DTNA: variants seen among roughly 807,000 people sequenced by gnomAD.
DTNA encodes the protein dystrobrevin alpha, also known as dystrophin-related protein 3.
In DTNA, 43 loss-of-function variants were observed where a neutral mutation model predicts 100.7. The ratio of observed to expected loss-of-function variants is 0.43; its 90% CI spans 0.33 to 0.55. The LOEUF is 0.55. DTNA is among the 20% of genes least tolerant of loss of function. DTNA has a pLI of 0.04. For synonymous variants in DTNA, 349 were observed against 347.9 expected, an observed-to-expected ratio of 1.00 and a Z score of -0.04; for missense variants, 798 against 953.9, an observed-to-expected ratio of 0.84 and a Z score of 2.15.
At chr18:34,687,352 A>G (rs984244114) in intron 1 of DTNA, among the ~76,000 whole-genome samples, 2 of 151,990 alleles carry the variant, frequency 1.3e-5, no homozygotes, top group Non-Finnish European at 2.9e-5. Context: ...CTTTCTTCTC[A>G]TTGGTTTCAA....
chr18:34,596,850 A>G (rs1415988611), intron 1 of DTNA, among the ~76,000 whole-genome samples: 1 of 152,054 alleles, frequency 6.6e-6, no homozygotes, highest in Non-Finnish European at 1.5e-5. Context: ...AACACCACCT[A>G]ACAGTTCTTT....
At chr18:34,574,166 C>T (rs2047880711) in intron 1 of DTNA, 1 of 152,458 alleles carries the variant, frequency 6.6e-6, no homozygotes. Context: ...TCATCTGGAG[C>T]TTGATTGTGG....
intron 1 of DTNA, among the ~76,000 whole-genome samples, chr18:34,510,102 GGTT>G (rs34160150): frequency 0.11 from 14,896 of 141,198 alleles, 789 homozygotes; most frequent in Non-Finnish European, 0.13. Flanking sequence ...TGGTTTTTTT[GGTT>G]GTTGTTGTTT....
In DTNA at chr18:34,533,772, T is replaced by C. The variant is rs183094005; in HGVS notation, c.-2+40258T>C. Among the ~76,000 whole-genome samples, 20 of 152,240 alleles carry C rather than the reference T, an allele frequency of 1.3e-4. No homozygotes were observed. The East Asian group carries it at 3.1e-3, about 24-fold the overall frequency. ...ATATGTTCTGTATGTAAATATCTTA[T>C]CCTGTTCTGGACACTATTTCAAAAT... On this transcript the variant is annotated intron_variant, in intron 1 of 19. Transcript: ENST00000283365.
chr18:34,848,494 T>A, intron 14 of DTNA, 111 bp downstream of exon 14: 2 of 1,144,904 alleles, frequency 1.7e-6, no homozygotes, highest in Non-Finnish European at 2.6e-6. Flanking sequence ...CAATTTGTGC[T>A]AATTTATTGT....
intron 1 of DTNA, among the ~76,000 whole-genome samples, chr18:34,655,365 C>A (rs767796215): frequency 6.6e-6 from 1 of 152,252 alleles, no homozygotes; most frequent in East Asian, 1.9e-4. Flanking sequence ...CCTCCTCCCC[C>A]ACCTCCCACC....
chr18:34,654,446 C>T (rs1022417352), intron 1 of DTNA, among the ~76,000 whole-genome samples: 12 of 152,084 alleles, frequency 7.9e-5, no homozygotes, highest in Non-Finnish European at 1.2e-4. Flanking sequence ...GATGAGGAAA[C>T]GCTTTTAGAG....
intron 1 of DTNA, among the ~76,000 whole-genome samples, chr18:34,524,874 C>T (rs1351160042): frequency 6.6e-6 from 1 of 152,052 alleles, no homozygotes; most frequent in Non-Finnish European, 1.5e-5. Context: ...ATAACTTGTG[C>T]AGAAAACCAA....
intron 17 of DTNA, among the ~76,000 whole-genome samples, chr18:34,870,004 C>T (rs537578477): frequency 1.8e-4 from 27 of 152,192 alleles, no homozygotes; most frequent in African/African-American, 4.8e-4. Context: ...CTGGGCAACA[C>T]GACACAGCGA....
intron 1 of DTNA, among the ~76,000 whole-genome samples, chr18:34,639,649 A>G (rs1469868337): frequency 6.6e-6 from 1 of 152,220 alleles, no homozygotes; most frequent in African/African-American, 2.4e-5. Flanking sequence ...TTATGGGCCT[A>G]CTTCGATTAT....
Position 34,746,500 on chromosome 18 carries a change from C to T in DTNA, c.-1-9476C>T, listed in dbSNP as rs187906345. Among the ~76,000 whole-genome samples, 22 of 152,148 alleles carry T rather than the reference C, an allele frequency of 1.4e-4. No homozygotes were observed. In the East Asian group the frequency reaches 4.1e-3, roughly 28 times the overall value. On this transcript the variant is annotated intron_variant, in intron 1 of 22. Coordinates refer to ENST00000444659, the MANE Select transcript of DTNA (RefSeq NM_001386795.1). ...ATAATATTATTGCTAGTGAGAAATA[C>T]AGATGCACACATGTACACAGTCATT...
intron 1 of DTNA, among the ~76,000 whole-genome samples, chr18:34,684,064 C>T (rs1456610480): frequency 6.6e-6 from 1 of 152,148 alleles, no homozygotes; most frequent in South Asian, 2.1e-4. Context: ...TCAGGCTGAA[C>T]AGATCTTAAT....
chr18:34,878,442 A>T (rs1478033198), intron 19 of DTNA, among the ~76,000 whole-genome samples: 1 of 152,140 alleles, frequency 6.6e-6, no homozygotes, highest in Non-Finnish European at 1.5e-5. Flanking sequence ...AAACAACATG[A>T]TGCTAAGGTT....
intron 1 of DTNA, among the ~76,000 whole-genome samples, chr18:34,523,681 T>C (rs2042349201): frequency 6.6e-6 from 1 of 152,176 alleles, no homozygotes; most frequent in Non-Finnish European, 1.5e-5. Context: ...CCTGTTGGTC[T>C]CTCTTCAGTT....
intron 1 of DTNA, among the ~76,000 whole-genome samples, chr18:34,583,170 A>G (rs2048800166): frequency 6.6e-6 from 1 of 152,242 alleles, no homozygotes. Flanking sequence ...AGGGAACAAC[A>G]TGTAATGTCA....
intron 1 of DTNA, among the ~76,000 whole-genome samples, chr18:34,549,941 G>A (rs2045223835): frequency 6.6e-6 from 1 of 151,626 alleles, no homozygotes; most frequent in South Asian, 2.1e-4. Context: ...ATGAATTCTG[G>A]CCATTAAAAA....
intron 20 of DTNA, among the ~76,000 whole-genome samples, chr18:34,880,573 A>T (rs1253443470): frequency 6.6e-6 from 1 of 152,232 alleles, no homozygotes; most frequent in Non-Finnish European, 1.5e-5. Flanking sequence ...ATGTTGCTTA[A>T]TATGAAAAGT....
intron 1 of DTNA, among the ~76,000 whole-genome samples, chr18:34,656,038 C>A (rs1183808980): frequency 2.0e-5 from 3 of 152,300 alleles, no homozygotes; most frequent in Middle Eastern, 3.4e-3. Flanking sequence ...TCAACTGCTT[C>A]TCTTGCTGCA....
intron 1 of DTNA, among the ~76,000 whole-genome samples, chr18:34,565,511 A>G (rs954125366): frequency 2.0e-5 from 3 of 152,188 alleles, no homozygotes; most frequent in Non-Finnish European, 4.4e-5. Context: ...GGAGGCTAGA[A>G]GTCCAAAATC....
Sources: allele counts gnomAD v4.1 joint callset (sites outside exome capture counted in the v4.1 genomes callset), GRCh38; gene constraint gnomAD v4.1.1; transcripts MANE v1.5; gene names NCBI Gene and HGNC (gene_info 2026-07-23, HGNC 2026-07-21).